KDM3B: variants seen among roughly 807,000 people sequenced by gnomAD.
KDM3B encodes lysine demethylase 3B.
A neutral mutation model predicts 170.0 loss-of-function variants in KDM3B; 10 were observed. That is an observed-to-expected ratio of 0.06 (90% CI 0.04 to 0.10). The LOEUF (loss-of-function observed/expected upper bound fraction) is 0.10, where lower values mean the gene tolerates loss of function less well. Ranked by LOEUF, KDM3B falls within the 10% of genes least tolerant of loss-of-function variation. KDM3B has a pLI of 1.00. For synonymous variants in KDM3B, 831 were observed against 834.8 expected, an observed-to-expected ratio of 1.00 and a Z score of 0.08; for missense variants, 1,394 against 2,195.2, an observed-to-expected ratio of 0.64 and a Z score of 7.29.
In KDM3B at chr5:138,398,165, G is replaced by T; in HGVS notation, c.2832-13G>T. ...TGCTCCTGCGATTTACCATGTATTT[G>T]ATCATGTCTCAGGTTGATCTTCACT... is the stretch of plus-strand genomic sequence containing the variant. On this transcript the variant is annotated splice_polypyrimidine_tract_variant and intron_variant, in intron 9 of 23. Coordinates refer to ENST00000314358, the MANE Select transcript of KDM3B (RefSeq NM_016604.4). 3 of 1,597,730 alleles carry T rather than the reference G, an allele frequency of 1.9e-6. No individual in the cohort carries two copies. The South Asian group carries it at 3.3e-5, about 18-fold the overall frequency.
At chr5:138,397,968 G>A in intron 9 of KDM3B, 1 of 467,786 alleles carries the variant, frequency 2.1e-6, no homozygotes, top group South Asian at 3.5e-5. Flanking sequence ...GAGGAACTCT[G>A]GGACAGCTTT....
At chr5:138,353,430 G>C (rs988185652) in intron 1 of KDM3B, among the ~76,000 whole-genome samples, 1 of 152,238 alleles carries the variant, frequency 6.6e-6, no homozygotes, top group African/African-American at 2.4e-5. Flanking sequence ...AGAGCCCCAA[G>C]TGGGGCGGGA....
chr5:138,433,253 A>G (rs572757471), intron 23 of KDM3B, among the ~76,000 whole-genome samples: 71 of 151,696 alleles, frequency 4.7e-4, no homozygotes, highest in African/African-American at 1.7e-3. Flanking sequence ...CTGGGATTAC[A>G]GGCACCTGCC....
In KDM3B at chr5:138,400,015, A is replaced by G; in HGVS notation, c.3199+3A>G. 1 of 1,614,162 alleles carries G rather than the reference A, an allele frequency of 6.2e-7. No individual in the cohort carries two copies. ...CAGGAAAAGCCGGCCACGCAGTGGT[A>G]AGTAAACATTGTCCTGTGTAGCTCG... is the stretch of plus-strand genomic sequence containing the variant. On this transcript the variant is annotated splice_donor_region_variant and intron_variant, in intron 11 of 23. Coordinates refer to ENST00000314358, the MANE Select transcript of KDM3B (RefSeq NM_016604.4).
At chr5:138,411,257 T>C (rs1005048625) in intron 11 of KDM3B, among the ~76,000 whole-genome samples, 1 of 152,264 alleles carries the variant, frequency 6.6e-6, no homozygotes, top group African/African-American at 2.4e-5. Context: ...TCTTGTCTTC[T>C]AGTCATACCT....
At chr5:138,398,144 C>T (rs767865529) in intron 9 of KDM3B, 34 bp from the exon 10 acceptor site, 4 of 1,538,344 alleles carry the variant, frequency 2.6e-6, no homozygotes, top group African/African-American at 1.4e-5. Context: ...TTGCGTTGCT[C>T]CTGCGATTTA....
chr5:138,411,387 A>G (rs1561785905), intron 11 of KDM3B, among the ~76,000 whole-genome samples: 1 of 152,216 alleles, frequency 6.6e-6, no homozygotes, highest in Non-Finnish European at 1.5e-5. Flanking sequence ...ATGATTAATG[A>G]TATTCATATA....
chr5:138,431,453 T>C lies in KDM3B; in HGVS notation c.5099T>C (p.Val1700Ala). The C allele has an allele frequency of 6.2e-7, 1 of 1,610,682 alleles. No homozygotes were observed. Reference sequence around the variant, plus strand: ...CACAATCTATACAGTTGCATAAAAGTAGCAGAAGACTTTGTATCTCCAGAA... The same window carrying C: ...CACAATCTATACAGTTGCATAAAAGCAGCAGAAGACTTTGTATCTCCAGAA... ...QVHNLYSCIK[V>A]AEDFVSPEHV... The change falls in exon 23 of 24, where the codon GTA becomes GCA. Residue 1700 changes from valine (V) to alanine (A), a missense_variant. By Grantham distance (64) the Val-to-Ala change is moderately conservative. Coordinates refer to ENST00000314358, the MANE Select transcript of KDM3B (RefSeq NM_016604.4).
intron 11 of KDM3B, among the ~76,000 whole-genome samples, chr5:138,406,627 A>G (rs961837474): frequency 1.3e-5 from 2 of 152,226 alleles, no homozygotes; most frequent in African/African-American, 4.8e-5. Flanking sequence ...AACAAGAGTG[A>G]AACTCTGTCT....
chr5:138,398,983 G>A (rs2126960729), intron 10 of KDM3B, among the ~76,000 whole-genome samples: 1 of 147,198 alleles, frequency 6.8e-6, no homozygotes, highest in African/African-American at 2.5e-5. Flanking sequence ...CCACCTCCCA[G>A]GTTCACACCA....
rs987875367 is a variant in KDM3B at position 138,398,518 on chromosome 5, A to G, written c.3046+126A>G. The G allele has an allele frequency of 1.1e-5, 8 of 750,666 alleles. No homozygotes were observed. The African/African-American group carries it at 1.4e-4, about 13-fold the overall frequency. The allele number at this position is 750,666 out of a possible 1,614,324, so 46.5% of individuals were successfully genotyped here. A position where few individuals can be genotyped will look rare whatever the true frequency, so the allele number is the denominator to read the frequency against. The stretch of plus-strand genomic sequence containing the variant: ...CTGTGAATGAATTAAGACCGATAAG[A>G]CTTCTCTTTGTAGCAACCTGTCGTT... On this transcript the variant is annotated intron_variant, in intron 10 of 23. Transcript: ENST00000314358.
intron 1 of KDM3B, 88 bp downstream of exon 1, chr5:138,353,075 G>A: frequency 2.9e-6 from 2 of 696,386 alleles, no homozygotes; most frequent in Non-Finnish European, 3.8e-6. Context: ...GGGGCGGTGG[G>A]ATGGGGGTGA....
In KDM3B at chr5:138,372,889, AAT is replaced by A. The variant is rs1761907681; in HGVS notation, c.360+52_360+53del. 2.0e-6 allele frequency: 3 copies of A among 1,522,762 alleles called. No homozygotes were observed. The East Asian group carries it at 6.8e-5, about 35-fold the overall frequency. The allele number at this position is 1,522,762 out of a possible 1,614,324, so 94.3% of individuals were successfully genotyped here. A position where few individuals can be genotyped will look rare whatever the true frequency, so the allele number is the denominator to read the frequency against. ...GAACATGTCTGAGCTTTACTCCTAT[AAT>A]ATAACTATGACATGTTAGGGACAGA... On this transcript the variant is annotated intron_variant, in intron 2 of 23. Transcript: ENST00000314358.
intron 7 of KDM3B, among the ~76,000 whole-genome samples, chr5:138,390,248 C>G (rs1762393625): frequency 6.6e-6 from 1 of 152,098 alleles, no homozygotes; most frequent in Non-Finnish European, 1.5e-5. Flanking sequence ...TTTCATTCTT[C>G]AGTTATGCTG....
At chr5:138,412,284 C>T (rs1438645111) in intron 11 of KDM3B, among the ~76,000 whole-genome samples, 11 of 151,208 alleles carry the variant, frequency 7.3e-5, no homozygotes, top group South Asian at 2.1e-4. Flanking sequence ...TGCAGTGAGC[C>T]GAAATTGCAC....
Position 138,391,876 on chromosome 5 carries a change from G to A in KDM3B, c.2244G>A (p.Glu748=). The change falls in exon 8 of 24, where the codon GAG becomes GAA. Residue 748 remains glutamate (E), a synonymous_variant. Coordinates refer to ENST00000314358, the MANE Select transcript of KDM3B (RefSeq NM_016604.4). This position sits in a 1 kb window ranked among gnomAD's most constrained non-coding sequence, Gnocchi z 5.0. ...CTCTCTCCTCTAGCCCCACAGAGGA[G>A]AGGCCAACTGTGGGGCCTGGGCAGC... ...MPTLSSSPTE[E]RPTVGPGQQD... 6.2e-7 allele frequency: 1 copy of A among 1,614,144 alleles called. No individual in the cohort carries two copies. The highest frequency in any genetic ancestry group is 8.5e-7 in the Non-Finnish European group (1 of 1,179,998).
At chr5:138,396,351 T>A (rs1419027888) in intron 9 of KDM3B, among the ~76,000 whole-genome samples, 2 of 152,126 alleles carry the variant, frequency 1.3e-5, no homozygotes, top group Non-Finnish European at 2.9e-5. Flanking sequence ...CGCCTCAGCC[T>A]CCCAAAGTGC....
chr5:138,389,476 AC>A (rs1436188479), intron 7 of KDM3B, among the ~76,000 whole-genome samples: 1 of 152,120 alleles, frequency 6.6e-6, no homozygotes, highest in African/African-American at 2.4e-5. Flanking sequence ...ATAATGTAAA[AC>A]TTACGACTTT....
At chr5:138,401,052 C>T (rs1002805209) in intron 11 of KDM3B, among the ~76,000 whole-genome samples, 4 of 152,126 alleles carry the variant, frequency 2.6e-5, no homozygotes, top group African/African-American at 4.8e-5. Flanking sequence ...GCGGGCAGAT[C>T]ACAAGGTCAG....
Sources: gnomAD v4.1 joint callset for allele counts (sites outside exome capture counted in the v4.1 genomes callset) on GRCh38, gnomAD v4.1.1 for gene constraint, Gnocchi (gnomAD v3.1) non-coding constraint, MANE v1.5 for transcripts, NCBI Gene and HGNC (gene_info 2026-07-23, HGNC 2026-07-21) for gene names.